SLIT3: variants seen among roughly 807,000 people sequenced by gnomAD.
The protein encoded by SLIT3 is slit homolog 3 protein.
Under a neutral mutation model 184.0 loss-of-function variants are expected in SLIT3, and 68 were observed. The ratio of observed to expected loss-of-function variants is 0.37; its 90% CI spans 0.30 to 0.45. The LOEUF (loss-of-function observed/expected upper bound fraction) is 0.45, where lower values mean the gene tolerates loss of function less well. Ranked by LOEUF, SLIT3 falls within the 20% of genes least tolerant of loss-of-function variation. SLIT3 has a pLI of 1.00. For missense variants in SLIT3, 1,707 were observed against 2,026.0 expected (o/e 0.84, Z 3.02); for synonymous variants, 831 against 828.6 (o/e 1.00, Z -0.05).
chr5:169,169,103 C>T (rs889683135), intron 4 of SLIT3, among the ~76,000 whole-genome samples: 4 of 152,206 alleles, frequency 2.6e-5, no homozygotes, highest in African/African-American at 9.7e-5. Context: ...ATCCTAGTTG[C>T]CTCCAATCTC....
At chr5:168,818,873 G>A (rs757599446) in intron 7 of SLIT3, among the ~76,000 whole-genome samples, 2 of 152,252 alleles carry the variant, frequency 1.3e-5, no homozygotes, top group African/African-American at 2.4e-5. Context: ...GGCCTTGGCC[G>A]CCGCAGGGGG....
At chr5:168,986,149 T>G (rs1755119714) in intron 4 of SLIT3, among the ~76,000 whole-genome samples, 1 of 152,174 alleles carries the variant, frequency 6.6e-6, no homozygotes, top group African/African-American at 2.4e-5. Context: ...CTCATACTTT[T>G]CAGTTCTTTC....
chr5:169,295,986 G>T (rs1273609495), intron 1 of SLIT3, among the ~76,000 whole-genome samples: 2 of 152,154 alleles, frequency 1.3e-5, no homozygotes, highest in African/African-American at 4.8e-5. Context: ...GTTTTGCAAG[G>T]TTGCTAAGCA....
At chr5:168,846,228 G>A (rs2113717683) in intron 5 of SLIT3, among the ~76,000 whole-genome samples, 1 of 152,166 alleles carries the variant, frequency 6.6e-6, no homozygotes, top group African/African-American at 2.4e-5. Context: ...TAGATATTTA[G>A]ACTAAGAAAA....
chr5:168,794,081 G>C (rs931560989), intron 10 of SLIT3, among the ~76,000 whole-genome samples: 1 of 152,142 alleles, frequency 6.6e-6, no homozygotes, highest in African/African-American at 2.4e-5. Context: ...TGTTTCGCAG[G>C]GATATTTATT....
intron 4 of SLIT3, among the ~76,000 whole-genome samples, chr5:168,883,904 A>G (rs896995641): frequency 1.3e-5 from 2 of 152,036 alleles, no homozygotes; most frequent in Non-Finnish European, 2.9e-5. Context: ...AGTGACAGGC[A>G]CGATAATTTC....
chr5:169,253,484 G>A (rs907352224), intron 1 of SLIT3, among the ~76,000 whole-genome samples: 4 of 152,298 alleles, frequency 2.6e-5, no homozygotes, highest in African/African-American at 9.6e-5. Flanking sequence ...TCCTGAGCTT[G>A]AATCCCTGTC....
chr5:168,827,865 G>T (rs1225514300), intron 6 of SLIT3, among the ~76,000 whole-genome samples: 2 of 152,162 alleles, frequency 1.3e-5, no homozygotes, highest in Non-Finnish European at 2.9e-5. Context: ...CTGGTTTTAC[G>T]CATTCACTTT....
chr5:168,880,155 G>A (rs911716863), intron 5 of SLIT3, among the ~76,000 whole-genome samples: 7 of 152,226 alleles, frequency 4.6e-5, no homozygotes, highest in Admixed American at 6.5e-5. Flanking sequence ...AGAGAGATAC[G>A]AGCCTAAACC....
At chr5:168,711,761 C>T (rs1394151597) in intron 24 of SLIT3, among the ~76,000 whole-genome samples, 5 of 152,092 alleles carry the variant, frequency 3.3e-5, no homozygotes, top group Non-Finnish European at 5.9e-5. Flanking sequence ...GATTCTAGTC[C>T]AACATCTCAC....
intron 12 of SLIT3, among the ~76,000 whole-genome samples, chr5:168,785,460 C>T (rs1304202308): frequency 6.6e-6 from 1 of 152,222 alleles, no homozygotes; most frequent in Non-Finnish European, 1.5e-5. Context: ...ATGCTCCTCT[C>T]GAATTATTCC....
At chr5:169,142,062 A>G in intron 4 of SLIT3, among the ~76,000 whole-genome samples, 1 of 88,416 alleles carries the variant, frequency 1.1e-5, no homozygotes. Flanking sequence ...AAAAAAAATA[A>G]AAATAAAAAT....
Position 168,724,411 on chromosome 5 carries a change from C to T in SLIT3, c.2339+5G>A. 1 of 1,611,852 alleles carries T rather than the reference C, an allele frequency of 6.2e-7. No individual in the cohort carries two copies. The highest frequency in any genetic ancestry group is 8.5e-7 in the Non-Finnish European group (1 of 1,178,552). ...AAACATCCCACCCAATACTGGGCTC[C>T]TTACATAAGCGTCAGGTGTCGGAGG... is the stretch of plus-strand genomic sequence containing the variant. On this transcript the variant is annotated splice_donor_5th_base_variant and intron_variant, in intron 21 of 35. Transcript: ENST00000519560.
chr5:168,787,385 G>A (rs540152044), intron 11 of SLIT3, among the ~76,000 whole-genome samples: 41 of 152,262 alleles, frequency 2.7e-4, no homozygotes, highest in Admixed American at 2.4e-3. Context: ...AGGTGGAGGC[G>A]GGCTGAGGCT....
intron 4 of SLIT3, among the ~76,000 whole-genome samples, chr5:168,913,342 C>A (rs1761316874): frequency 6.6e-6 from 1 of 152,160 alleles, no homozygotes; most frequent in Non-Finnish European, 1.5e-5. Flanking sequence ...ATTACTAACG[C>A]CCTCATATTA....
At chr5:168,954,771 G>A (rs945107144) in intron 4 of SLIT3, among the ~76,000 whole-genome samples, 6 of 152,192 alleles carry the variant, frequency 3.9e-5, no homozygotes, top group Non-Finnish European at 5.9e-5. Context: ...CAATTGTTTG[G>A]TAAACTGATG....
intron 3 of SLIT3, among the ~76,000 whole-genome samples, chr5:169,228,845 CCT>C (rs1194938388): frequency 1.3e-5 from 2 of 152,118 alleles, no homozygotes; most frequent in Non-Finnish European, 2.9e-5. Context: ...TTTTGAAGCA[CCT>C]CTCAAAATAA....
chr5:169,129,356 A>C (rs746679095), intron 4 of SLIT3, among the ~76,000 whole-genome samples: 14 of 152,172 alleles, frequency 9.2e-5, no homozygotes, highest in Non-Finnish European at 1.8e-4. Flanking sequence ...GTTCAAGACC[A>C]GCCTGGCCAA....
chr5:168,725,310 T>C (rs533487122), intron 20 of SLIT3, among the ~76,000 whole-genome samples: 4 of 152,344 alleles, frequency 2.6e-5, no homozygotes, highest in Admixed American at 2.0e-4. Flanking sequence ...GAACGTCTCA[T>C]TGTAATTATG....
Sources: gnomAD v4.1 joint callset for allele counts (sites outside exome capture counted in the v4.1 genomes callset) on GRCh38, gnomAD v4.1.1 for gene constraint, MANE v1.5 for transcripts, NCBI Gene and HGNC (gene_info 2026-07-23, HGNC 2026-07-21) for gene names.